METTL15: variants seen among roughly 807,000 people sequenced by gnomAD.
METTL15 encodes the protein methyltransferase 15, mitochondrial 12S rRNA N4-cytidine.
In METTL15, 34 loss-of-function variants were observed where a neutral mutation model predicts 38.3. The ratio of observed to expected loss-of-function variants is 0.89; its 90% confidence interval spans 0.68 to 1.18. METTL15 has a LOEUF of 1.18. Among genes scored for constraint, METTL15 ranks in the 50% most tolerant of loss-of-function variants. The pLI, the probability that METTL15 is intolerant of heterozygous loss-of-function variation, is 0.00. For missense variants in METTL15, 438 were observed against 498.4 expected, an observed-to-expected ratio of 0.88 and a Z score of 1.15; for synonymous variants, 162 against 170.9, an observed-to-expected ratio of 0.95 and a Z score of 0.41.
chr11:28,394,618 A>G (rs974545691), intron 5 of METTL15, among the ~76,000 whole-genome samples: 1 of 152,078 alleles, frequency 6.6e-6, no homozygotes, highest in Non-Finnish European at 1.5e-5. Context: ...GTCCACATGC[A>G]CTGAAGATAT....
chr11:28,489,626 G>A (rs1434190019), intron 6 of METTL15, among the ~76,000 whole-genome samples: 4 of 152,074 alleles, frequency 2.6e-5, no homozygotes, highest in Non-Finnish European at 5.9e-5. Context: ...GAGAGAGAGA[G>A]AGATCATTTT....
chr11:28,254,583 CAA>C (rs1297086681), intron 4 of METTL15, among the ~76,000 whole-genome samples: 4 of 152,114 alleles, frequency 2.6e-5, no homozygotes, highest in African/African-American at 4.8e-5. Flanking sequence ...GAGAGTCACT[CAA>C]ATGTTTTCTT....
chr11:28,528,616 G>T (rs1851827249), downstream of METTL15, among the ~76,000 whole-genome samples: 1 of 152,168 alleles, frequency 6.6e-6, no homozygotes, highest in Non-Finnish European at 1.5e-5. Flanking sequence ...CTGGCACTTT[G>T]GGCCATGTTG....
intron 3 of METTL15, chr11:28,163,495 A>G (rs1850543744): frequency 5.0e-6 from 2 of 397,756 alleles, no homozygotes; most frequent in South Asian, 1.3e-4. Flanking sequence ...CTAATTTTGC[A>G]TAGATCTTTC....
At chr11:28,269,951 C>A (rs944290005) in intron 4 of METTL15, among the ~76,000 whole-genome samples, 1 of 152,212 alleles carries the variant, frequency 6.6e-6, no homozygotes, top group East Asian at 1.9e-4. Flanking sequence ...ACTAGTTGTT[C>A]TTCAAACCCT....
intron 6 of METTL15, among the ~76,000 whole-genome samples, chr11:28,475,636 G>C (rs901472400): frequency 6.6e-6 from 1 of 152,120 alleles, no homozygotes; most frequent in Admixed American, 6.5e-5. Flanking sequence ...CTAGTGTTAT[G>C]TTCTGTTCAG....
chr11:28,360,477 C>T (rs2046706205), intron 4 of METTL15, among the ~76,000 whole-genome samples: 1 of 152,190 alleles, frequency 6.6e-6, no homozygotes, highest in South Asian at 2.1e-4. Context: ...ATGAGATAGT[C>T]ACTTCCCTTT....
intron 3 of METTL15, among the ~76,000 whole-genome samples, chr11:28,117,744 GC>G (rs1196658403): frequency 1.3e-5 from 2 of 152,074 alleles, no homozygotes; most frequent in East Asian, 3.9e-4. Flanking sequence ...TACCTTTTCT[GC>G]TGTCTGGCAG....
At chr11:28,280,372 C>T (rs1036611972) in intron 4 of METTL15, among the ~76,000 whole-genome samples, 1 of 152,098 alleles carries the variant, frequency 6.6e-6, no homozygotes, top group African/African-American at 2.4e-5. Context: ...TTAGTTCTGA[C>T]TGTTGCTCTC....
chr11:28,374,773 G>A (rs1486875213), intron 5 of METTL15, among the ~76,000 whole-genome samples: 1 of 150,818 alleles, frequency 6.6e-6, no homozygotes, highest in African/African-American at 2.4e-5. Flanking sequence ...TCCAGTTTTT[G>A]CCCATTCAGT....
rs116642189 is a variant in METTL15, at chr11:28,521,896, G to A, written c.*425-4582G>A. Among the ~76,000 whole-genome samples the A allele has an allele frequency of 3.1e-3, 474 of 152,216 alleles. 1 individual carries two copies. Among genetic ancestry groups the A allele is most frequent in the African/African-American group, 0.011 (463 of 41,510 alleles). ...CTCTGTTACTCACCTTGGGGGTAAT[G>A]TGCTGTTCCTTGTAGTTTCCTTATA... is the stretch of plus-strand genomic sequence containing the variant. On this transcript the variant is annotated intron_variant and NMD_transcript_variant, in intron 6 of 7. Transcript: ENST00000532947.
chr11:28,387,657 A>G (rs1461215983), intron 5 of METTL15, among the ~76,000 whole-genome samples: 5 of 152,074 alleles, frequency 3.3e-5, no homozygotes, highest in Non-Finnish European at 7.4e-5. Context: ...CTCTTTCAAA[A>G]AACTGAAGAG....
At chr11:28,503,662 G>A (rs761206276) in intron 6 of METTL15, among the ~76,000 whole-genome samples, 15 of 151,858 alleles carry the variant, frequency 9.9e-5, no homozygotes, top group Admixed American at 4.6e-4. Context: ...GTGGTGGCAC[G>A]CACCTGTAAT....
At chr11:28,148,394 C>T (rs953602938) in intron 3 of METTL15, among the ~76,000 whole-genome samples, 7 of 151,632 alleles carry the variant, frequency 4.6e-5, no homozygotes, top group Non-Finnish European at 1.0e-4. Flanking sequence ...ATCTCTATTC[C>T]CTGCTATTTT....
chr11:28,113,835 T>C (rs1393838747), intron 3 of METTL15, among the ~76,000 whole-genome samples: 1 of 152,222 alleles, frequency 6.6e-6, no homozygotes, highest in Non-Finnish European at 1.5e-5. Flanking sequence ...TTACATGAGA[T>C]AGTCAATAAC....
chr11:28,405,079 C>T (rs920703684), intron 5 of METTL15, among the ~76,000 whole-genome samples: 1 of 152,104 alleles, frequency 6.6e-6, no homozygotes, highest in African/African-American at 2.4e-5. Flanking sequence ...TGTACAGCTG[C>T]AGCGTGCCAA....
At chr11:28,220,657 C>T (rs1038193735) in intron 4 of METTL15, among the ~76,000 whole-genome samples, 14 of 152,092 alleles carry the variant, frequency 9.2e-5, no homozygotes, top group African/African-American at 3.4e-4. Context: ...TTCCTAGCCT[C>T]GATGGTCTTT....
chr11:28,443,673 C>T (rs1053445688), intron 6 of METTL15, among the ~76,000 whole-genome samples: 2 of 152,136 alleles, frequency 1.3e-5, no homozygotes, highest in African/African-American at 4.8e-5. Flanking sequence ...GTTGCTTAGG[C>T]CAAAAGATAT....
intron 6 of METTL15, among the ~76,000 whole-genome samples, chr11:28,515,292 T>A (rs955799743): frequency 1.3e-5 from 2 of 152,238 alleles, no homozygotes; most frequent in African/African-American, 4.8e-5. Context: ...ATAAACCTTG[T>A]ACTAGTATCA....
Sources: gnomAD v4.1 joint callset for allele counts (sites outside exome capture counted in the v4.1 genomes callset) on GRCh38, gnomAD v4.1.1 for gene constraint, MANE v1.5 for transcripts, NCBI Gene and HGNC (gene_info 2026-07-23, HGNC 2026-07-21) for gene names.